The following RUNX2 variants were observed in gnomAD, a reference collection of about 807,000 sequenced individuals.
RUNX2 encodes RUNX family transcription factor 2, also known as runt-related transcription factor 2.
RUNX2 carries 10 observed loss-of-function variants against 51.7 expected under a neutral mutation model. That is an observed-to-expected ratio of 0.19 (90% CI 0.12 to 0.33). The LOEUF is 0.33. RUNX2 is among the 10% of genes least tolerant of loss of function. The probability of loss-of-function intolerance (pLI) is 1.00; values close to 1 mark genes in which losing one functional copy is unlikely to be tolerated. For missense variants in RUNX2, 562 were observed against 691.3 expected (o/e 0.81, Z 2.10); for synonymous variants, 276 against 273.6 (o/e 1.01, Z -0.09).
At position 45,548,585 on chromosome 6, in the gene RUNX2, A is replaced by C. The variant is rs1370682987; in HGVS notation, c.*1280A>C. 2.0e-5 allele frequency: 3 copies of C among 152,694 alleles called. No individual in the cohort carries two copies. The highest frequency in any genetic ancestry group is 4.4e-5 in the Non-Finnish European group (3 of 68,070). 9.5% of individuals were successfully genotyped at this position (152,694 alleles called of 1,614,324 possible). On this transcript the variant is annotated 3_prime_UTR_variant, in exon 9 of 9. Transcript: ENST00000647337. ...GTGGTTTTCTAATTTCTTTGGGGTA[A>C]TTATGACTCTTGTCATATTAAAAAG...
At position 45,422,693 on chromosome 6, in the gene RUNX2, ACAGCAGCAGCAGCAACAGCAGCAG is replaced by A; in HGVS notation, c.171_194del (p.Gln64_Gln71del). 1.2e-6 allele frequency: 2 copies of A among 1,601,476 alleles called. No homozygotes were observed. Among genetic ancestry groups the A allele is most frequent in the Admixed American group, 1.7e-5 (1 of 58,604 alleles). ...TGGTGGCTGCGCAACAGCAGCAGCA[ACAGCAGCAGCAGCAACAGCAGCAG>A]CAGCAGCAGCAACAGCAGCAGCAGC... On this transcript the variant is annotated inframe_deletion, in exon 3 of 9. Transcript: ENST00000647337.
intron 2 of RUNX2, among the ~76,000 whole-genome samples, chr6:45,357,784 G>T (rs1220701280): frequency 6.6e-6 from 1 of 152,034 alleles, no homozygotes; most frequent in Non-Finnish European, 1.5e-5. Context: ...ATAAAAATGA[G>T]AACCTAAAAC....
chr6:45,330,127 T>A (rs1416539764), intron 2 of RUNX2, among the ~76,000 whole-genome samples: 2 of 151,772 alleles, frequency 1.3e-5, no homozygotes, highest in East Asian at 1.9e-4. Context: ...CAAAAAAAAA[T>A]GTAAAATTGC....
intron 7 of RUNX2, among the ~76,000 whole-genome samples, chr6:45,539,735 A>G (rs1057057475): frequency 1.6e-4 from 24 of 152,228 alleles, no homozygotes; most frequent in Non-Finnish European, 3.4e-4. Flanking sequence ...TTTGGTAGTA[A>G]TTCATCTGCT....
chr6:45,494,517 T>C (rs566874977), intron 6 of RUNX2, among the ~76,000 whole-genome samples: 11 of 152,350 alleles, frequency 7.2e-5, no homozygotes, highest in Non-Finnish European at 1.6e-4. Flanking sequence ...TCTTTTTTTT[T>C]CAACATCCAC....
intron 5 of RUNX2, among the ~76,000 whole-genome samples, chr6:45,455,335 A>C (rs1430106668): frequency 1.3e-5 from 2 of 152,190 alleles, no homozygotes; most frequent in Non-Finnish European, 2.9e-5. Context: ...TTTAATTGAC[A>C]AATAATTATA....
At chr6:45,400,220 A>G (rs1797683476) in intron 2 of RUNX2, among the ~76,000 whole-genome samples, 1 of 149,448 alleles carries the variant, frequency 6.7e-6, no homozygotes, top group Non-Finnish European at 1.5e-5. Flanking sequence ...GGAATGAGGG[A>G]AGGAAGGAAG....
chr6:45,435,605 TC>T (rs1458501291), intron 4 of RUNX2, among the ~76,000 whole-genome samples: 1 of 152,062 alleles, frequency 6.6e-6, no homozygotes, highest in Non-Finnish European at 1.5e-5. Flanking sequence ...CGATCTGCCC[TC>T]CTCCACCTCC....
intron 7 of RUNX2, among the ~76,000 whole-genome samples, chr6:45,512,788 A>G (rs771575596): frequency 6.6e-6 from 1 of 152,012 alleles, no homozygotes; most frequent in Non-Finnish European, 1.5e-5. Context: ...AACAAGATTG[A>G]TGGCACAGCC....
intron 5 of RUNX2, among the ~76,000 whole-genome samples, chr6:45,457,203 A>G (rs2819861): frequency 0.74 from 111,934 of 152,114 alleles, 42,098 homozygotes; most frequent in East Asian, 0.96. Flanking sequence ...AAAGAAAAGC[A>G]GAATTAATGG....
intron 5 of RUNX2, among the ~76,000 whole-genome samples, chr6:45,448,582 G>A (rs1272202431): frequency 6.6e-6 from 1 of 152,120 alleles, no homozygotes; most frequent in East Asian, 1.9e-4. Flanking sequence ...TCCTGGGGTT[G>A]TGCAGTAGTT....
intron 5 of RUNX2, among the ~76,000 whole-genome samples, chr6:45,489,026 A>G (rs1309814084): frequency 6.6e-6 from 1 of 152,196 alleles, no homozygotes; most frequent in African/African-American, 2.4e-5. Flanking sequence ...GGTATTTGTC[A>G]TAGTTGAAAT....
intron 3 of RUNX2, among the ~76,000 whole-genome samples, chr6:45,428,370 T>C (rs1798441962): frequency 6.6e-6 from 1 of 152,158 alleles, no homozygotes; most frequent in Admixed American, 6.5e-5. Context: ...CTGATTGATA[T>C]AAAGTCAAAT....
intron 2 of RUNX2, among the ~76,000 whole-genome samples, chr6:45,387,213 A>C (rs1042044062): frequency 3.3e-5 from 5 of 152,234 alleles, no homozygotes; most frequent in African/African-American, 1.2e-4. Flanking sequence ...AAGACAAGGC[A>C]TACTAAAATG....
intron 7 of RUNX2, among the ~76,000 whole-genome samples, chr6:45,521,740 T>C (rs977894132): frequency 6.6e-6 from 1 of 152,172 alleles, no homozygotes; most frequent in Non-Finnish European, 1.5e-5. Context: ...TTCTGTATAG[T>C]ATGGTTGCAG....
rs951894354 is a variant in RUNX2 at position 45,359,561 on chromosome 6, TAAATATTC to T, written c.58+30783_58+30790del. On this transcript the variant is annotated intron_variant, in intron 2 of 8. Transcript: ENST00000647337. The stretch of plus-strand genomic sequence containing the variant: ...AAAACACAAAAGTAGGATAGACATT[TAAATATTC>T]AAATAATATGGCCACATTTGTATCC... 5.6e-4 allele frequency among the ~76,000 whole-genome samples: 85 copies of T among 152,298 alleles called. No homozygotes were observed. In the Middle Eastern group the frequency reaches 0.01, roughly 18 times the overall value.
intron 5 of RUNX2, among the ~76,000 whole-genome samples, chr6:45,462,193 C>T (rs1799496958): frequency 6.6e-6 from 1 of 152,166 alleles, no homozygotes; most frequent in Admixed American, 6.5e-5. Context: ...CAATGAGGTG[C>T]ACTGCAGTTA....
chr6:45,537,489 A>C (rs1802075654), intron 7 of RUNX2, among the ~76,000 whole-genome samples: 1 of 152,214 alleles, frequency 6.6e-6, no homozygotes, highest in Non-Finnish European at 1.5e-5. Flanking sequence ...TAGTATAGTC[A>C]GTGGCATTGC....
chr6:45,485,200 T>C (rs1190874464), intron 5 of RUNX2, among the ~76,000 whole-genome samples: 2 of 151,382 alleles, frequency 1.3e-5, no homozygotes, highest in South Asian at 2.1e-4. Flanking sequence ...TTCTTTTTTT[T>C]TTTTTTTCTT....
Sources: gnomAD v4.1 joint callset for allele counts (sites outside exome capture counted in the v4.1 genomes callset) on GRCh38, gnomAD v4.1.1 for gene constraint, MANE v1.5 for transcripts, NCBI Gene and HGNC (gene_info 2026-07-23, HGNC 2026-07-21) for gene names.